Variants in PKHD1 observed in about 807,000 individuals in gnomAD.
PKHD1 encodes fibrocystin.
Under a neutral mutation model 412.0 loss-of-function variants are expected in PKHD1, and 291 were observed. That is an observed-to-expected ratio of 0.71 (90% confidence interval 0.64 to 0.78). PKHD1 has a LOEUF of 0.78. Among genes scored for constraint, PKHD1 ranks in the 30% least tolerant of loss-of-function variants. The pLI is 0.00. For missense variants in PKHD1, 4,825 were observed against 4,950.7 expected (o/e 0.97, Z 0.76); for synonymous variants, 1,777 against 1,821.5 (o/e 0.98, Z 0.62).
chr6:51,893,369 G>A (rs897205066), intron 43 of PKHD1, among the ~76,000 whole-genome samples: 4 of 152,134 alleles, frequency 2.6e-5, no homozygotes, highest in Non-Finnish European at 4.4e-5. Flanking sequence ...AGCATTTATG[G>A]CACATCTGGG....
chr6:51,906,975 C>A (rs1782195033), intron 40 of PKHD1, among the ~76,000 whole-genome samples: 1 of 152,104 alleles, frequency 6.6e-6, no homozygotes, highest in Non-Finnish European at 1.5e-5. Context: ...ATCCCCAGAT[C>A]TGGTTACGAG....
At chr6:51,827,251 G>A (rs1412016290) in intron 52 of PKHD1, among the ~76,000 whole-genome samples, 2 of 152,106 alleles carry the variant, frequency 1.3e-5, no homozygotes, top group Non-Finnish European at 2.9e-5. Flanking sequence ...CAGAGGCCAA[G>A]AGGGGCAGCC....
At chr6:51,882,511 A>C (rs754630872) in intron 46 of PKHD1, among the ~76,000 whole-genome samples, 6 of 152,184 alleles carry the variant, frequency 3.9e-5, no homozygotes, top group Admixed American at 6.5e-5. Flanking sequence ...GCTCCCAATA[A>C]ATCTATGATT....
chr6:52,030,041 T>C (rs1214246435), intron 29 of PKHD1, among the ~76,000 whole-genome samples: 1 of 152,246 alleles, frequency 6.6e-6, no homozygotes, highest in Non-Finnish European at 1.5e-5. Context: ...TGTCCCAGTG[T>C]GGCCACTGAA....
chr6:52,062,520 T>C lies in PKHD1; in HGVS notation c.1117A>G (p.Arg373Gly), dbSNP rs765814599. The C allele has an allele frequency of 1.2e-6, 2 of 1,614,042 alleles. No homozygotes were observed. Among genetic ancestry groups the C allele is most frequent in the Non-Finnish European group, 1.7e-6 (2 of 1,179,894 alleles). Residue 373 changes from arginine (R) to glycine (G), a missense_variant and splice_region_variant, in exon 14 of 67, where the codon AGA becomes GGA. Arg to Gly is a moderately radical substitution (Grantham distance 125). Transcript: ENST00000371117. ...GCTCCCACTTTTCCTACAACATACC[T>C]GAAAGGTTGTCCTTCCTGTGACCAA... ...GFWSQEGQPFRARLSGFFVAP... is the reference protein window; with the variant it reads ...GFWSQEGQPFGARLSGFFVAP...
At chr6:52,011,579 C>T (rs1896973) in intron 34 of PKHD1, among the ~76,000 whole-genome samples, 67,919 of 151,938 alleles carry the variant, frequency 0.45, 17,092 homozygotes, top group Admixed American at 0.58. Context: ...ATGGGAAGAC[C>T]AGGAAGGGTG....
At position 52,025,321 on chromosome 6, in the gene PKHD1, C is replaced by T. The variant is rs565071416; in HGVS notation, c.4489G>A (p.Gly1497Arg). ...CTAATCAGCACAGTGGTCAGAGACCCACTGGTGTTTGTGGACAAGGCATCC... is the reference window on the plus strand; with the variant it reads ...CTAATCAGCACAGTGGTCAGAGACCTACTGGTGTTTGTGGACAAGGCATCC... ...VMDALSTNTS[G>R]SLTTVLIRGQ... Residue 1497 changes from glycine (G) to arginine (R), a missense_variant, in exon 32 of 67, where the codon GGG (glycine) becomes AGG (arginine). Transcript: ENST00000371117. 33 of 1,614,096 alleles carry T rather than the reference C, an allele frequency of 2.0e-5. No homozygotes were observed. In the South Asian group the frequency reaches 3.5e-4, roughly 17 times the overall value.
chr6:52,019,233 T>C (rs1315256914), intron 33 of PKHD1, among the ~76,000 whole-genome samples: 1 of 152,218 alleles, frequency 6.6e-6, no homozygotes, highest in African/African-American at 2.4e-5. Context: ...ACAGAGGTTA[T>C]CAAGGGCCGT....
rs1159626384 is a variant in PKHD1 at position 52,017,483 on chromosome 6, T to G, written c.5527A>C (p.Ser1843Arg). ...TCTGGCACAAAGAGGCATTGGGAAC[T>G]TTCCTCGCAAATGTAGAGGTAAGGC... ...SWPYLYICEE[S>R]SQCLFVPDHW... is the part of the protein sequence containing the mutation. Residue 1843 changes from serine to arginine, a missense_variant, in exon 34 of 67, where the codon AGT becomes CGT. Transcript: ENST00000371117. The G allele has an allele frequency of 1.2e-6, 2 of 1,614,074 alleles. No individual in the cohort carries two copies. The highest frequency in any genetic ancestry group is 2.7e-5 in the African/African-American group (2 of 74,946).
intron 60 of PKHD1, among the ~76,000 whole-genome samples, chr6:51,720,588 C>T (rs1379522767): frequency 3.3e-5 from 5 of 152,102 alleles, no homozygotes; most frequent in Admixed American, 3.3e-4. Flanking sequence ...CAAGAGCCAC[C>T]TGCCTTGACA....
At chr6:52,086,665 C>CA (rs1329550483) in intron 1 of PKHD1, among the ~76,000 whole-genome samples, 2 of 152,194 alleles carry the variant, frequency 1.3e-5, no homozygotes, top group Non-Finnish European at 2.9e-5. Context: ...GGAAAACAAA[C>CA]AATCTATGTA....
chr6:51,775,871 T>C lies in PKHD1; in HGVS notation c.8491A>G (p.Arg2831Gly), dbSNP rs767914998. The C allele has an allele frequency of 5.0e-6, 8 of 1,601,192 alleles. No individual in the cohort carries two copies. The highest frequency in any genetic ancestry group is 1.1e-5 in the South Asian group (1 of 90,788). ...TCACAAAAGACTCCCTCTGAGGCTC[T>C]AAGGAGAATCAGAAGCTTTTGTTCC... ...EKEQKLLILL[R>G]ASEGVFCDRM... is the part of the protein sequence containing the mutation. Residue 2831 changes from arginine to glycine, a missense_variant, in exon 54 of 67, where the codon AGA becomes GGA. Physicochemically the swap from Arg to Gly is moderately radical, Grantham distance 125 (BLOSUM62 -2). Transcript: ENST00000371117.
intron 37 of PKHD1, among the ~76,000 whole-genome samples, chr6:51,925,022 G>GT (rs1223117614): frequency 1.3e-5 from 2 of 152,180 alleles, no homozygotes; most frequent in African/African-American, 4.8e-5. Context: ...ACACTGGGGA[G>GT]TTTTTTAAGG....
chr6:51,782,894 G>A (rs1792255982), intron 53 of PKHD1, among the ~76,000 whole-genome samples: 1 of 152,056 alleles, frequency 6.6e-6, no homozygotes, highest in Admixed American at 6.6e-5. Flanking sequence ...CATCCAATGA[G>A]CCTTACAGAA....
chr6:51,711,830 A>G (rs1242960950), intron 60 of PKHD1, among the ~76,000 whole-genome samples: 3 of 152,238 alleles, frequency 2.0e-5, no homozygotes, highest in Admixed American at 2.0e-4. Flanking sequence ...GGTGGAAAAA[A>G]GAAAGATAAA....
chr6:52,056,304 C>T lies in PKHD1; in HGVS notation c.1693+394G>A, dbSNP rs369377384. Reference sequence around the variant, plus strand: ...TTAGTAGTAGTTTTAAAAACATACCCTAACATTTTAAGAATTTCTTAAGAC... The same window carrying T: ...TTAGTAGTAGTTTTAAAAACATACCTTAACATTTTAAGAATTTCTTAAGAC... On this transcript the variant is annotated intron_variant, in intron 18 of 66. Coordinates refer to ENST00000371117, the MANE Select transcript of PKHD1 (RefSeq NM_138694.4). Among the ~76,000 whole-genome samples the T allele has an allele frequency of 1.6e-4, 24 of 152,284 alleles. No individual in the cohort carries two copies. The East Asian group carries it at 4.4e-3, about 28-fold the overall frequency.
intron 55 of PKHD1, among the ~76,000 whole-genome samples, chr6:51,758,939 C>T (rs1787524258): frequency 6.6e-6 from 1 of 152,156 alleles, no homozygotes. Flanking sequence ...TAACTTAATA[C>T]TTGTAAGATC....
intron 56 of PKHD1, 43 bp from the exon 57 acceptor site, chr6:51,753,396 T>G (rs1415759184): frequency 2.5e-6 from 4 of 1,569,466 alleles, no homozygotes. Context: ...TTTAAAAACC[T>G]GTTTCAAAAA....
intron 29 of PKHD1, among the ~76,000 whole-genome samples, chr6:52,030,816 A>G (rs1447030768): frequency 1.3e-5 from 2 of 152,198 alleles, no homozygotes; most frequent in Non-Finnish European, 2.9e-5. Flanking sequence ...TTTCTTACCT[A>G]CAGCTGACTG....
Sources: gnomAD v4.1 joint callset for allele counts (sites outside exome capture counted in the v4.1 genomes callset) on GRCh38, gnomAD v4.1.1 for gene constraint, MANE v1.5 for transcripts, NCBI Gene and HGNC (gene_info 2026-07-23, HGNC 2026-07-21) for gene names.